Variants in TRIO observed in about 807,000 individuals in gnomAD.
TRIO encodes the protein triple functional domain protein.
TRIO carries 58 observed loss-of-function variants against 351.9 expected under a neutral mutation model. That is an observed-to-expected ratio of 0.16 (90% CI 0.13 to 0.21). The LOEUF (loss-of-function observed/expected upper bound fraction) is 0.21. Ranked by LOEUF, TRIO falls within the 10% of genes least tolerant of loss-of-function variation. The pLI is 1.00. For synonymous variants in TRIO, 1,758 were observed against 1,595.7 expected (o/e 1.10, Z -2.42); for missense variants, 3,201 against 4,027.8 (o/e 0.79, Z 5.56).
chr5:14,158,152 C>T (rs774844450), intron 1 of TRIO, among the ~76,000 whole-genome samples: 7 of 152,122 alleles, frequency 4.6e-5, no homozygotes, highest in Non-Finnish European at 7.3e-5. Flanking sequence ...ATAGGCCGGG[C>T]GCTGTGGCTC....
intron 1 of TRIO, among the ~76,000 whole-genome samples, chr5:14,182,496 A>G (rs1385435586): frequency 6.6e-6 from 1 of 152,246 alleles, no homozygotes; most frequent in Non-Finnish European, 1.5e-5. Context: ...TTGTCCATAG[A>G]CATAGCTAAA....
In TRIO at chr5:14,297,163, C is replaced by T. The variant is rs779473594; in HGVS notation, c.1268C>T (p.Ala423Val). The T allele has an allele frequency of 1.1e-5, 17 of 1,614,192 alleles. No individual in the cohort carries two copies. Among genetic ancestry groups the T allele is most frequent in the African/African-American group, 1.3e-5 (1 of 75,046 alleles). ...GCCTCGCAGCAGATCAGGCAGATCG[C>T]GAGTCAGCTGGAGCAGGAGTGGAAG... Reference protein sequence around the residue: ...HYASQQIRQIASQLEQEWKAF... With the variant: ...HYASQQIRQIVSQLEQEWKAF... Residue 423 changes from alanine to valine, a missense_variant, in exon 7 of 57, where the codon GCG becomes GTG. Around this residue, in one of 19 missense-constraint regions of TRIO, gnomAD observed 349 missense variants for 449.3 expected, o/e 0.78. Coordinates refer to ENST00000344204, the MANE Select transcript of TRIO (RefSeq NM_007118.4).
At chr5:14,374,544 G>C (rs1189508245) in intron 19 of TRIO, among the ~76,000 whole-genome samples, 1 of 152,164 alleles carries the variant, frequency 6.6e-6, no homozygotes, top group Admixed American at 6.5e-5. Flanking sequence ...TATTGAATAG[G>C]TTGATAATTT....
At chr5:14,474,655 ATTATT>A (rs565350972) in intron 40 of TRIO, among the ~76,000 whole-genome samples, 263 of 152,228 alleles carry the variant, frequency 1.7e-3, no homozygotes, top group African/African-American at 5.8e-3. Flanking sequence ...CATTTGTCCA[ATTATT>A]TTATGTTATT....
chr5:14,345,313 T>C (rs547056026), intron 11 of TRIO, among the ~76,000 whole-genome samples: 80 of 152,318 alleles, frequency 5.3e-4, no homozygotes, highest in Non-Finnish European at 8.2e-4. Context: ...TAACAATATA[T>C]TATCTTCATT....
chr5:14,194,624 A>G (rs1476202481), intron 1 of TRIO, among the ~76,000 whole-genome samples: 1 of 152,224 alleles, frequency 6.6e-6, no homozygotes, highest in Admixed American at 6.5e-5. Context: ...ATACAGAGGC[A>G]TATCTCTGAA....
chr5:14,285,559 A>G (rs1736368779), intron 3 of TRIO, among the ~76,000 whole-genome samples: 1 of 152,082 alleles, frequency 6.6e-6, no homozygotes, highest in African/African-American at 2.4e-5. Context: ...GAAGGAGGGC[A>G]GGGTTAGGGG....
Position 14,508,327 on chromosome 5 carries a change from A to G in TRIO, c.9199A>G (p.Thr3067Ala), listed in dbSNP as rs775335606. The change falls in exon 57 of 57, where the codon ACT (threonine) becomes GCT (alanine). Residue 3067 changes from threonine to alanine, a missense_variant. Around this residue, in one of 19 missense-constraint regions of TRIO, gnomAD observed 233 missense variants for 292.6 expected, o/e 0.80. Transcript: ENST00000344204. ...GGGCGTCCTCGACACGTCCAGACTG[A>G]CTTCCTTCATTGAGCGGCGCAAACA... Reference protein sequence around the residue: ...STGVLDTSRLTSFIERRKHQN... With the variant: ...STGVLDTSRLASFIERRKHQN... 1 of 1,613,998 alleles carries G rather than the reference A, an allele frequency of 6.2e-7. No homozygotes were observed. The highest frequency in any genetic ancestry group is 1.1e-5 in the South Asian group (1 of 91,088).
At chr5:14,280,810 C>T (rs1034256379) in intron 3 of TRIO, among the ~76,000 whole-genome samples, 10 of 152,120 alleles carry the variant, frequency 6.6e-5, no homozygotes, top group Non-Finnish European at 1.0e-4. Flanking sequence ...ACTTGGCAAA[C>T]GTTAGTTCTT....
intron 34 of TRIO, among the ~76,000 whole-genome samples, chr5:14,428,123 C>T (rs2152395379): frequency 6.6e-6 from 1 of 152,238 alleles, no homozygotes; most frequent in Admixed American, 6.5e-5. Context: ...TCTGAGTCTC[C>T]TCAGAGTCAT....
rs948553103 is a variant in TRIO at position 14,481,607 on chromosome 5, C to G, written c.6454C>G (p.Gln2152Glu). The change falls in exon 45 of 57, where the codon CAA becomes GAA. Residue 2152 changes from glutamine (Q) to glutamate (E), a missense_variant. Coordinates refer to ENST00000344204, the MANE Select transcript of TRIO (RefSeq NM_007118.4). ...CNDMMNVGRLQGFDGKIVAQG... is the reference protein window; with the variant it reads ...CNDMMNVGRLEGFDGKIVAQG... ...CGACATGATGAACGTGGGGCGGCTG[C>G]AAGGATTCGACGTAATGCGGCTCTT... is the stretch of plus-strand genomic sequence containing the variant. 2 of 1,613,950 alleles carry G rather than the reference C, an allele frequency of 1.2e-6. No individual in the cohort carries two copies. The highest frequency in any genetic ancestry group is 1.7e-6 in the Non-Finnish European group (2 of 1,180,024).
Position 14,472,609 on chromosome 5 carries a change from T to C in TRIO, c.5930T>C (p.Leu1977Pro). The C allele has an allele frequency of 6.2e-7, 1 of 1,614,132 alleles. No homozygotes were observed. Among genetic ancestry groups the C allele is most frequent in the Non-Finnish European group, 8.5e-7 (1 of 1,179,982 alleles). ...LKRRHYVLQELVETERDYVRD... is the reference protein window; with the variant it reads ...LKRRHYVLQEPVETERDYVRD... ...CTCTCCAGCTACGTTTTGCAAGAACTAGTGGAGACAGAGCGTGACTATGTG... is the reference window on the plus strand; with the variant it reads ...CTCTCCAGCTACGTTTTGCAAGAACCAGTGGAGACAGAGCGTGACTATGTG... Residue 1977 changes from leucine (L) to proline (P), a missense_variant, in exon 39 of 57, where the codon CTA (leucine) becomes CCA (proline). Leu to Pro is a moderately conservative substitution (Grantham distance 98). Transcript: ENST00000344204.
At chr5:14,413,674 G>GA (rs1267625826) in intron 33 of TRIO, among the ~76,000 whole-genome samples, 1 of 152,066 alleles carries the variant, frequency 6.6e-6, no homozygotes, top group African/African-American at 2.4e-5. Flanking sequence ...TACCAAATCA[G>GA]AAAAACAAAA....
At chr5:14,225,534 C>T (rs1170888542) in intron 1 of TRIO, among the ~76,000 whole-genome samples, 1 of 152,040 alleles carries the variant, frequency 6.6e-6, no homozygotes, top group Admixed American at 6.6e-5. Flanking sequence ...GACTGAGGTC[C>T]CAGGGTTCTT....
intron 9 of TRIO, among the ~76,000 whole-genome samples, chr5:14,328,428 C>CA (rs1220904266): frequency 6.6e-5 from 10 of 152,124 alleles, no homozygotes; most frequent in Non-Finnish European, 1.3e-4. Context: ...CTATTTAAAA[C>CA]AATGTGCTCA....
intron 1 of TRIO, among the ~76,000 whole-genome samples, chr5:14,270,050 G>C (rs1165504394): frequency 2.6e-5 from 4 of 152,216 alleles, no homozygotes; most frequent in Non-Finnish European, 2.9e-5. Context: ...ATTCACCCTG[G>C]TGAGCTGGGC....
At chr5:14,382,190 T>G (rs30785) in intron 21 of TRIO, among the ~76,000 whole-genome samples, 1 of 152,116 alleles carries the variant, frequency 6.6e-6, no homozygotes, top group South Asian at 2.1e-4. Context: ...AAAAGAAGTG[T>G]TTCTATAAAG....
At chr5:14,380,300 C>G (rs1403243455) in intron 20 of TRIO, among the ~76,000 whole-genome samples, 2 of 115,304 alleles carry the variant, frequency 1.7e-5, no homozygotes, top group African/African-American at 1.1e-4. Flanking sequence ...CCTCCTCCTT[C>G]GCGCCCCGCC....
intron 13 of TRIO, among the ~76,000 whole-genome samples, chr5:14,361,870 C>T (rs1744179523): frequency 6.6e-6 from 1 of 152,220 alleles, no homozygotes; most frequent in African/African-American, 2.4e-5. Flanking sequence ...ATAATCCTAG[C>T]ACTTTGGGAG....
Sources: gnomAD v4.1 joint callset for allele counts (sites outside exome capture counted in the v4.1 genomes callset) on GRCh38, gnomAD v4.1.1 for gene constraint, gnomAD v4.1.1 regional missense constraint, MANE v1.5 for transcripts, NCBI Gene and HGNC (gene_info 2026-07-23, HGNC 2026-07-21) for gene names.